The following BTBD8 variants were observed in gnomAD, a reference collection of about 807,000 sequenced individuals.
BTBD8 encodes the protein BTB/POZ domain-containing protein 8.
A neutral mutation model predicts 162.9 loss-of-function variants in BTBD8; 110 were observed. The observed-to-expected ratio is 0.68, with a 90% CI of 0.58 to 0.79. BTBD8 has a LOEUF of 0.79. BTBD8 is among the 30% of genes least tolerant of loss of function. The pLI is 0.00. For synonymous variants in BTBD8, 667 were observed against 716.1 expected (o/e 0.93, Z 1.10); for missense variants, 1,905 against 2,085.4 (o/e 0.91, Z 1.68).
chr1:92,111,966 C>G (rs755028101), intron 4 of BTBD8, among the ~76,000 whole-genome samples: 1 of 152,046 alleles, frequency 6.6e-6, no homozygotes, highest in Non-Finnish European at 1.5e-5. Context: ...GGGTTTGTTC[C>G]CAAACCTGCG....
In BTBD8 at chr1:92,080,638, A is replaced by G. The variant is rs1647979023; in HGVS notation, c.67A>G (p.Lys23Glu). 6.2e-7 allele frequency: 1 copy of G among 1,613,856 alleles called. No homozygotes were observed. Among genetic ancestry groups the G allele is most frequent in the Non-Finnish European group, 8.5e-7 (1 of 1,179,850 alleles). The part of the protein sequence containing the change: ...VLLGSAGVCS[K>E]GLQRKGPCER... ...TCTGGGGTCCGCTGGAGTTTGCAGT[A>G]AGGGGTTGCAAAGGAAGGGGCCGTG... The change falls in exon 1 of 18, where the codon AAG (lysine) becomes GAG (glutamate). Residue 23 changes from lysine (K) to glutamate (E), a missense_variant. By Grantham distance (56) the Lys-to-Glu change is moderately conservative. Coordinates refer to ENST00000636805, the MANE Select transcript of BTBD8 (RefSeq NM_001376131.1).
chr1:92,174,171 T>C (rs755338889), intron 13 of BTBD8, among the ~76,000 whole-genome samples: 1 of 152,160 alleles, frequency 6.6e-6, no homozygotes, highest in Non-Finnish European at 1.5e-5. Context: ...TATACTCTTC[T>C]GTCCTCTTAT....
intron 4 of BTBD8, among the ~76,000 whole-genome samples, chr1:92,128,439 C>T (rs994384727): frequency 1.1e-4 from 17 of 152,254 alleles, no homozygotes; most frequent in Non-Finnish European, 1.9e-4. Context: ...TCACCACGCC[C>T]GGCTAATTTT....
In BTBD8 at chr1:92,080,423, A is replaced by G; in HGVS notation, c.-149A>G. 8.4e-7 allele frequency: 1 copy of G among 1,196,174 alleles called. No individual in the cohort carries two copies. The highest frequency in any genetic ancestry group is 1.1e-6 in the Non-Finnish European group (1 of 876,918). 74.1% of individuals were successfully genotyped at this position (1,196,174 alleles called of 1,614,324 possible). A position where few individuals can be genotyped will look rare whatever the true frequency, so the allele number is the denominator to read the frequency against. ...GTCCGGCTTCTCTGGGAGACTGTCT[A>G]CAAACCGACGAGAGGCGTCAACCTT... On this transcript the variant is annotated 5_prime_UTR_variant, in exon 1 of 18. Coordinates refer to ENST00000636805, the MANE Select transcript of BTBD8 (RefSeq NM_001376131.1).
chr1:92,080,412 G>A lies in BTBD8; in HGVS notation c.-160G>A. On this transcript the variant is annotated 5_prime_UTR_variant, in exon 1 of 18. Transcript: ENST00000636805. ...TCCCCACCGCGGTCCGGCTTCTCTG[G>A]GAGACTGTCTACAAACCGACGAGAG... The A allele has an allele frequency of 9.3e-7, 1 of 1,073,796 alleles. No individual in the cohort carries two copies. The highest frequency in any genetic ancestry group is 1.3e-6 in the Non-Finnish European group (1 of 773,028). 66.5% of individuals were successfully genotyped at this position (1,073,796 alleles called of 1,614,324 possible). A position where few individuals can be genotyped will look rare whatever the true frequency, so the allele number is the denominator to read the frequency against.
chr1:92,152,866 A>G (rs1413696757), intron 9 of BTBD8, among the ~76,000 whole-genome samples: 1 of 152,340 alleles, frequency 6.6e-6, no homozygotes, highest in South Asian at 2.1e-4. Flanking sequence ...AGTCTGATCA[A>G]TAGCCTCTGG....
intron 4 of BTBD8, among the ~76,000 whole-genome samples, chr1:92,121,615 A>G (rs1649212355): frequency 6.6e-6 from 1 of 152,162 alleles, no homozygotes. Flanking sequence ...ACACAACTTA[A>G]AGTCCAGTTC....
chr1:92,165,097 G>A (rs1346395155), intron 9 of BTBD8, among the ~76,000 whole-genome samples: 2 of 150,832 alleles, frequency 1.3e-5, no homozygotes, highest in African/African-American at 4.9e-5. Context: ...TTCCAGCCTG[G>A]GTGACAGAGC....
In BTBD8 at chr1:92,102,641, T is replaced by C; in HGVS notation, c.516T>C (p.Ser172=). 1 of 1,501,400 alleles carries C rather than the reference T, an allele frequency of 6.7e-7. No individual in the cohort carries two copies. Among genetic ancestry groups the C allele is most frequent in the Non-Finnish European group, 8.9e-7 (1 of 1,124,022 alleles). The allele number at this position is 1,501,400 out of a possible 1,614,324, so 93.0% of individuals were successfully genotyped here. A position where few individuals can be genotyped will look rare whatever the true frequency, so the allele number is the denominator to read the frequency against. Residue 172 remains serine, a synonymous_variant, in exon 3 of 18, where the codon AGT becomes AGC. Coordinates refer to ENST00000636805, the MANE Select transcript of BTBD8 (RefSeq NM_001376131.1). ...AGCATGAAATTCCAGAGGATATCAGTGACAGAGATGATGATTTCATTTCCA... is the reference window on the plus strand; with the variant it reads ...AGCATGAAATTCCAGAGGATATCAGCGACAGAGATGATGATTTCATTTCCA... ...LQKHEIPEDI[S]DRDDDFISND...
At chr1:92,180,025 T>A (rs1052105962) in intron 16 of BTBD8, among the ~76,000 whole-genome samples, 5 of 152,178 alleles carry the variant, frequency 3.3e-5, no homozygotes, top group African/African-American at 1.2e-4. Flanking sequence ...GATCCTATTT[T>A]AGTAATTTTT....
chr1:92,145,783 C>A (rs1316121163), intron 7 of BTBD8, among the ~76,000 whole-genome samples: 1 of 151,468 alleles, frequency 6.6e-6, no homozygotes, highest in African/African-American at 2.4e-5. Flanking sequence ...AGTTCAAGAC[C>A]AGCCTGACCA....
intron 7 of BTBD8, among the ~76,000 whole-genome samples, chr1:92,143,309 T>C (rs542458814): frequency 5.3e-5 from 8 of 152,266 alleles, no homozygotes; most frequent in African/African-American, 1.4e-4. Context: ...CCATTGCCTC[T>C]ATTTTTTTTT....
intron 7 of BTBD8, among the ~76,000 whole-genome samples, chr1:92,145,482 G>A (rs1649889231): frequency 6.6e-6 from 1 of 152,116 alleles, no homozygotes; most frequent in Non-Finnish European, 1.5e-5. Context: ...CTGTTTGATG[G>A]TCTTTATTTA....
intron 9 of BTBD8, among the ~76,000 whole-genome samples, chr1:92,152,163 T>G (rs1650059728): frequency 6.6e-6 from 1 of 152,126 alleles, no homozygotes. Flanking sequence ...GTGCTCCATG[T>G]GAGCAAAGAT....
chr1:92,178,535 A>T, intron 16 of BTBD8, 84 bp downstream of exon 16: 5 of 998,056 alleles, frequency 5.0e-6, no homozygotes, highest in Non-Finnish European at 7.2e-6. Context: ...CAACTTCAGT[A>T]GCAAATAAGC....
At chr1:92,172,044 T>C (rs772618130) in intron 13 of BTBD8, among the ~76,000 whole-genome samples, 2 of 152,132 alleles carry the variant, frequency 1.3e-5, no homozygotes, top group African/African-American at 4.8e-5. Flanking sequence ...TGTGATGAGA[T>C]TGCACCATTG....
intron 5 of BTBD8, among the ~76,000 whole-genome samples, chr1:92,134,468 T>G (rs1649585112): frequency 6.6e-6 from 1 of 152,200 alleles, no homozygotes; most frequent in African/African-American, 2.4e-5. Flanking sequence ...GGCCTTTGTT[T>G]TTTTGGCTTC....
chr1:92,178,424 A>ACCC lies in BTBD8; in HGVS notation c.2556_2558dup (p.Pro853dup). 6.4e-7 allele frequency: 1 copy of ACCC among 1,550,558 alleles called. No homozygotes were observed. The highest frequency in any genetic ancestry group is 8.7e-7 in the Non-Finnish European group (1 of 1,146,540). ...TGCAGCTCAGCAGAGGACAAAGAGT[A>ACCC]CCCCATCTAATCTTACTAAAACTCA... On this transcript the variant is annotated inframe_insertion, in exon 16 of 18. Coordinates refer to ENST00000636805, the MANE Select transcript of BTBD8 (RefSeq NM_001376131.1).
chr1:92,117,556 T>C (rs936370816), intron 4 of BTBD8, among the ~76,000 whole-genome samples: 1 of 152,044 alleles, frequency 6.6e-6, no homozygotes, highest in African/African-American at 2.4e-5. Flanking sequence ...GTCAGCCATA[T>C]AGCTTCCTGG....
Sources: allele counts gnomAD v4.1 joint callset (sites outside exome capture counted in the v4.1 genomes callset), GRCh38; gene constraint gnomAD v4.1.1; transcripts MANE v1.5; gene names NCBI Gene and HGNC (gene_info 2026-07-23, HGNC 2026-07-21).